The following CDH18 variants were observed in gnomAD, a reference collection of about 807,000 sequenced individuals.
The protein encoded by CDH18 is cadherin 18.
In CDH18, 31 loss-of-function variants were observed where a neutral mutation model predicts 67.9. The observed-to-expected ratio is 0.46, with a 90% CI of 0.34 to 0.62. The LOEUF (loss-of-function observed/expected upper bound fraction) is 0.62, where lower values mean the gene tolerates loss of function less well. CDH18 is among the 20% of genes least tolerant of loss of function. The pLI, the probability that CDH18 is intolerant of heterozygous loss-of-function variation, is 0.01. For missense variants in CDH18, 890 were observed against 975.5 expected, an observed-to-expected ratio of 0.91 and a Z score of 1.17; for synonymous variants, 362 against 347.2, an observed-to-expected ratio of 1.04 and a Z score of -0.48.
intron 2 of CDH18, among the ~76,000 whole-genome samples, chr5:20,165,664 A>G (rs1480694419): frequency 6.6e-6 from 1 of 152,138 alleles, no homozygotes; most frequent in African/African-American, 2.4e-5. Context: ...CACTCTCCCA[A>G]TGAAATCGTT....
At chr5:19,630,308 G>C (rs2387968) in intron 5 of CDH18, among the ~76,000 whole-genome samples, 26,441 of 151,924 alleles carry the variant, frequency 0.17, 2,889 homozygotes, top group East Asian at 0.39. Context: ...ATCCCCCTTG[G>C]CTACTCATTC....
chr5:20,451,927 A>C (rs1750479038), intron 1 of CDH18, among the ~76,000 whole-genome samples: 1 of 152,210 alleles, frequency 6.6e-6, no homozygotes, highest in African/African-American at 2.4e-5. Flanking sequence ...GAAAACCATA[A>C]ATGATTAGAA....
At chr5:19,966,776 A>G (rs1797480413) in intron 2 of CDH18, among the ~76,000 whole-genome samples, 1 of 152,050 alleles carries the variant, frequency 6.6e-6, no homozygotes, top group Non-Finnish European at 1.5e-5. Flanking sequence ...GAAGAAATAG[A>G]TAAAGAATTT....
chr5:20,030,179 C>T (rs987752083), intron 2 of CDH18, among the ~76,000 whole-genome samples: 1 of 152,194 alleles, frequency 6.6e-6, no homozygotes, highest in Non-Finnish European at 1.5e-5. Flanking sequence ...AAGAGTGTGA[C>T]TTTAGCTCTT....
At chr5:20,255,773 C>G (rs16887901) in intron 1 of CDH18, among the ~76,000 whole-genome samples, 5 of 151,776 alleles carry the variant, frequency 3.3e-5, no homozygotes, top group African/African-American at 9.7e-5. Context: ...TGTTCTTTGA[C>G]CTTGGTATGT....
chr5:20,559,063 C>CA (rs1347030478), intron 1 of CDH18, among the ~76,000 whole-genome samples: 1 of 150,620 alleles, frequency 6.6e-6, no homozygotes, highest in East Asian at 1.9e-4. Flanking sequence ...TTAATTCCTA[C>CA]AAAGGGCCCA....
At chr5:19,938,683 T>C (rs972600182) in intron 2 of CDH18, among the ~76,000 whole-genome samples, 1 of 151,498 alleles carries the variant, frequency 6.6e-6, no homozygotes, top group African/African-American at 2.4e-5. Flanking sequence ...TATCTTGGTA[T>C]TTTTAGATGA....
At chr5:20,238,970 G>A (rs184747129) in intron 2 of CDH18, among the ~76,000 whole-genome samples, 1 of 152,194 alleles carries the variant, frequency 6.6e-6, no homozygotes, top group Admixed American at 6.5e-5. Flanking sequence ...ATAGATACAT[G>A]CTAAGAAAAC....
intron 1 of CDH18, among the ~76,000 whole-genome samples, chr5:20,277,138 C>T (rs936963210): frequency 6.6e-6 from 1 of 152,052 alleles, no homozygotes; most frequent in Admixed American, 6.5e-5. Flanking sequence ...TTTTTAGAGC[C>T]CTAGGTCCTT....
In CDH18 at chr5:19,865,940, C is replaced by T. The variant is rs554932044; in HGVS notation, c.-256-26698G>A. ...TATTGTCTAGACCTGATTCAGGGAT[C>T]AGGAGCATTTTTCAAATTCCCACCA... On this transcript the variant is annotated intron_variant, in intron 2 of 12. Transcript: ENST00000382275. Among the ~76,000 whole-genome samples the T allele has an allele frequency of 1.3e-3, 202 of 152,254 alleles. 1 individual carries two copies. The highest frequency in any genetic ancestry group is 2.7e-3 in the Non-Finnish European group (182 of 68,032).
At chr5:19,965,835 G>A (rs1218540819) in intron 2 of CDH18, among the ~76,000 whole-genome samples, 1 of 152,060 alleles carries the variant, frequency 6.6e-6, no homozygotes, top group Admixed American at 6.6e-5. Flanking sequence ...CTGGACAGAG[G>A]ACAGGATTTC....
chr5:20,438,221 G>T (rs939448677), intron 1 of CDH18, among the ~76,000 whole-genome samples: 17 of 136,262 alleles, frequency 1.2e-4, no homozygotes, highest in African/African-American at 4.5e-4. Context: ...AGACTTTCTT[G>T]CCCCTGCCCC....
chr5:20,273,411 G>GA (rs1323399091), intron 1 of CDH18, among the ~76,000 whole-genome samples: 2 of 151,834 alleles, frequency 1.3e-5, no homozygotes, highest in African/African-American at 4.8e-5. Flanking sequence ...AGATAATATG[G>GA]AAAAATAAAT....
In CDH18 at chr5:19,579,322, T is replaced by A. The variant is rs1742839826; in HGVS notation, c.1000-7490A>T. ...TTTTTCTGTTCCTTCTTTTTATGAT[T>A]TCAGTTTGGATCCCATCACTGTGGG... On this transcript the variant is annotated intron_variant, in intron 7 of 12. Coordinates refer to ENST00000382275, the MANE Select transcript of CDH18 (RefSeq NM_004934.5). Among the ~76,000 whole-genome samples, 3 of 152,096 alleles carry A rather than the reference T, an allele frequency of 2.0e-5. No individual in the cohort carries two copies. In the South Asian group the frequency reaches 6.2e-4, roughly 32 times the overall value.
chr5:19,529,475 TTAGAG>T (rs1425189424), intron 9 of CDH18, among the ~76,000 whole-genome samples: 1 of 152,000 alleles, frequency 6.6e-6, no homozygotes, highest in Non-Finnish European at 1.5e-5. Context: ...AGGGTTATAG[TTAGAG>T]TAAATAGTAA....
At chr5:20,333,526 TATAC>T (rs1391676580) in intron 1 of CDH18, among the ~76,000 whole-genome samples, 2 of 111,776 alleles carry the variant, frequency 1.8e-5, no homozygotes, top group African/African-American at 5.5e-5. Flanking sequence ...AAACAATATA[TATAC>T]ACACACACAC....
intron 1 of CDH18, among the ~76,000 whole-genome samples, chr5:20,322,497 G>C (rs941546513): frequency 6.6e-6 from 1 of 152,070 alleles, no homozygotes; most frequent in Non-Finnish European, 1.5e-5. Flanking sequence ...ATGTCCTTTA[G>C]TATTGATGCT....
At chr5:20,218,329 C>T (rs1437937940) in intron 2 of CDH18, among the ~76,000 whole-genome samples, 1 of 151,724 alleles carries the variant, frequency 6.6e-6, no homozygotes, top group South Asian at 2.1e-4. Flanking sequence ...TCTTTCTCCA[C>T]AATAGAATAT....
chr5:20,089,401 C>A (rs1227142119), intron 2 of CDH18, among the ~76,000 whole-genome samples: 1 of 152,078 alleles, frequency 6.6e-6, no homozygotes, highest in East Asian at 1.9e-4. Flanking sequence ...TTTGGAAAAA[C>A]TGGAAGATCA....
Sources: gnomAD v4.1 joint callset for allele counts (sites outside exome capture counted in the v4.1 genomes callset) on GRCh38, gnomAD v4.1.1 for gene constraint, MANE v1.5 for transcripts, NCBI Gene and HGNC (gene_info 2026-07-23, HGNC 2026-07-21) for gene names.